CTNNA3: variants seen among roughly 807,000 people sequenced by gnomAD.
CTNNA3 encodes the protein catenin alpha-3.
CTNNA3 carries 76 observed loss-of-function variants against 95.7 expected under a neutral mutation model. The ratio of observed to expected loss-of-function variants is 0.79; its 90% CI spans 0.66 to 0.96. The LOEUF (loss-of-function observed/expected upper bound fraction) is 0.96, where lower values mean the gene tolerates loss of function less well. Ranked by LOEUF, CTNNA3 falls within the 40% of genes least tolerant of loss-of-function variation. The pLI is 0.00. For synonymous variants in CTNNA3, 431 were observed against 374.4 expected, an observed-to-expected ratio of 1.15 and a Z score of -1.74; for missense variants, 1,191 against 1,089.8, an observed-to-expected ratio of 1.09 and a Z score of -1.31.
chr10:66,602,528 A>C (rs1186853694), intron 10 of CTNNA3, among the ~76,000 whole-genome samples: 2 of 152,020 alleles, frequency 1.3e-5, no homozygotes, highest in South Asian at 4.1e-4. Context: ...ATAAAAACAT[A>C]CTTTAGAAAA....
chr10:67,743,652 G>C (rs149546894), intron 1 of CTNNA3, among the ~76,000 whole-genome samples: 1,920 of 151,224 alleles, frequency 0.013, 78 homozygotes, highest in African/African-American at 0.044. Context: ...TTCAGGCCAG[G>C]GCAATCAGGC....
At chr10:67,396,927 C>T (rs892709847) in intron 5 of CTNNA3, among the ~76,000 whole-genome samples, 5 of 152,144 alleles carry the variant, frequency 3.3e-5, no homozygotes, top group African/African-American at 4.8e-5. Flanking sequence ...GCTTCCCCTT[C>T]GCCATGTTGT....
chr10:66,781,635 G>T (rs1222890102), intron 7 of CTNNA3, among the ~76,000 whole-genome samples: 1 of 152,070 alleles, frequency 6.6e-6, no homozygotes, highest in East Asian at 1.9e-4. Flanking sequence ...AACCATATAA[G>T]AATAGAATGA....
At chr10:66,820,708 A>G (rs1028816113) in intron 7 of CTNNA3, among the ~76,000 whole-genome samples, 9 of 151,702 alleles carry the variant, frequency 5.9e-5, no homozygotes, top group African/African-American at 1.2e-4. Context: ...AGTGGTTTCT[A>G]CTTTCTATGG....
At chr10:67,229,478 C>G (rs2132292723) in intron 5 of CTNNA3, among the ~76,000 whole-genome samples, 1 of 152,220 alleles carries the variant, frequency 6.6e-6, no homozygotes, top group Middle Eastern at 3.4e-3. Flanking sequence ...AGCAATCAGA[C>G]AAGAGAAAGA....
intron 16 of CTNNA3, among the ~76,000 whole-genome samples, chr10:65,975,807 T>C (rs546834390): frequency 6.6e-6 from 1 of 152,252 alleles, no homozygotes; most frequent in African/African-American, 2.4e-5. Flanking sequence ...TTCACATGCA[T>C]ACACAATAAT....
intron 5 of CTNNA3, among the ~76,000 whole-genome samples, chr10:67,364,976 A>G (rs533611297): frequency 6.6e-6 from 1 of 152,320 alleles, no homozygotes; most frequent in South Asian, 2.1e-4. Flanking sequence ...ATCAAACTAT[A>G]CTACAAGGCT....
intron 15 of CTNNA3, among the ~76,000 whole-genome samples, chr10:66,004,337 C>T (rs1472072020): frequency 6.6e-6 from 1 of 152,156 alleles, no homozygotes; most frequent in Non-Finnish European, 1.5e-5. Context: ...TAAATAGCCC[C>T]TTCTTTGGTT....
At chr10:67,365,173 T>C (rs1005986130) in intron 5 of CTNNA3, among the ~76,000 whole-genome samples, 5 of 151,520 alleles carry the variant, frequency 3.3e-5, no homozygotes, top group Non-Finnish European at 5.9e-5. Context: ...GCGAACCATA[T>C]GTAGAAAGCT....
intron 13 of CTNNA3, among the ~76,000 whole-genome samples, chr10:66,135,941 G>A (rs1269951735): frequency 3.4e-5 from 5 of 147,282 alleles, no homozygotes; most frequent in Non-Finnish European, 5.9e-5. Context: ...TTGCTCTGTC[G>A]CGCAGGCTGG....
At chr10:67,519,735 C>T (rs2133153391) in intron 5 of CTNNA3, among the ~76,000 whole-genome samples, 1 of 152,232 alleles carries the variant, frequency 6.6e-6, no homozygotes, top group Admixed American at 6.5e-5. Flanking sequence ...GACCAGGGAA[C>T]AAACCATGAC....
intron 11 of CTNNA3, among the ~76,000 whole-genome samples, chr10:66,434,538 T>C (rs958076578): frequency 2.6e-5 from 4 of 152,212 alleles, no homozygotes; most frequent in African/African-American, 4.8e-5. Flanking sequence ...CCTAAGGAGA[T>C]TTTGGGGCTG....
intron 7 of CTNNA3, among the ~76,000 whole-genome samples, chr10:66,855,173 T>C (rs1191901102): frequency 6.6e-6 from 1 of 151,966 alleles, no homozygotes; most frequent in Non-Finnish European, 1.5e-5. Flanking sequence ...CTAGGAACTA[T>C]TTGGAAACTA....
At chr10:67,662,428 T>C (rs768353800) in intron 1 of CTNNA3, among the ~76,000 whole-genome samples, 2 of 152,228 alleles carry the variant, frequency 1.3e-5, no homozygotes, top group African/African-American at 2.4e-5. Context: ...AAGAGGGGAC[T>C]ACTGTAGTCA....
chr10:67,296,566 C>A (rs1345241448), intron 5 of CTNNA3, among the ~76,000 whole-genome samples: 1 of 152,164 alleles, frequency 6.6e-6, no homozygotes, highest in Non-Finnish European at 1.5e-5. Flanking sequence ...AGCATGGCAT[C>A]CTCCAGGTTG....
intron 7 of CTNNA3, among the ~76,000 whole-genome samples, chr10:66,895,702 T>C (rs1845453379): frequency 6.6e-6 from 1 of 152,018 alleles, no homozygotes. Flanking sequence ...ATAATACAAG[T>C]GCTTCTTTAT....
At chr10:67,659,349 T>C (rs1167390777) in intron 1 of CTNNA3, among the ~76,000 whole-genome samples, 1 of 152,214 alleles carries the variant, frequency 6.6e-6, no homozygotes, top group Admixed American at 6.5e-5. Context: ...TTAGTTATTT[T>C]ATAACATGTC....
chr10:66,551,914 T>G (rs1230410075), intron 10 of CTNNA3, among the ~76,000 whole-genome samples: 3 of 145,970 alleles, frequency 2.1e-5, no homozygotes, highest in Non-Finnish European at 4.5e-5. Flanking sequence ...TTTTTTTTTT[T>G]TTTTCTGAGA....
chr10:67,615,370 TA>T (rs1843615904), intron 2 of CTNNA3, among the ~76,000 whole-genome samples: 2 of 152,314 alleles, frequency 1.3e-5, no homozygotes, highest in African/African-American at 4.8e-5. Flanking sequence ...TGTAGCTAAA[TA>T]TCCTAATCCA....
Sources: gnomAD v4.1 joint callset for allele counts (sites outside exome capture counted in the v4.1 genomes callset) on GRCh38, gnomAD v4.1.1 for gene constraint, MANE v1.5 for transcripts, NCBI Gene and HGNC (gene_info 2026-07-23, HGNC 2026-07-21) for gene names.